The following UVRAG variants were observed in gnomAD, a reference collection of about 807,000 sequenced individuals.
UVRAG encodes UV radiation resistance associated.
A neutral mutation model predicts 78.0 loss-of-function variants in UVRAG; 19 were observed. The ratio of observed to expected loss-of-function variants is 0.24; its 90% CI spans 0.17 to 0.36. UVRAG has a LOEUF of 0.36. Among genes scored for constraint, UVRAG ranks in the 10% least tolerant of loss-of-function variants. UVRAG has a pLI of 1.00. For synonymous variants in UVRAG, 323 were observed against 324.6 expected (o/e 1.00, Z 0.05); for missense variants, 740 against 853.8 (o/e 0.87, Z 1.66).
intron 7 of UVRAG, among the ~76,000 whole-genome samples, chr11:75,965,505 C>T (rs924321930): frequency 2.6e-5 from 4 of 152,084 alleles, no homozygotes; most frequent in Non-Finnish European, 5.9e-5. Flanking sequence ...TTAGTAGAGA[C>T]GGGGGTTCAC....
At chr11:76,089,283 A>G (rs922543020) in intron 13 of UVRAG, among the ~76,000 whole-genome samples, 2 of 152,182 alleles carry the variant, frequency 1.3e-5, no homozygotes, top group Non-Finnish European at 2.9e-5. Flanking sequence ...AAGTTGTTAT[A>G]TGTTGAGTGA....
intron 13 of UVRAG, among the ~76,000 whole-genome samples, chr11:76,088,213 A>G (rs1246731928): frequency 6.6e-6 from 1 of 152,192 alleles, no homozygotes; most frequent in African/African-American, 2.4e-5. Context: ...CAGTAATGAC[A>G]TCAGTGATAC....
At chr11:76,005,752 A>T (rs1949922661) in intron 9 of UVRAG, among the ~76,000 whole-genome samples, 1 of 152,262 alleles carries the variant, frequency 6.6e-6, no homozygotes, top group South Asian at 2.1e-4. Flanking sequence ...AGGTTCCCAT[A>T]ACCCACTCCT....
At chr11:76,025,560 G>C (rs550874225) in intron 12 of UVRAG, among the ~76,000 whole-genome samples, 1 of 152,200 alleles carries the variant, frequency 6.6e-6, no homozygotes, top group South Asian at 2.1e-4. Flanking sequence ...CCATTTTTCT[G>C]TTGTAGAATT....
intron 14 of UVRAG, 113 bp from the exon 15 acceptor site, chr11:76,140,598 T>A: frequency 9.6e-7 from 1 of 1,040,710 alleles, no homozygotes; most frequent in East Asian, 2.5e-5. Flanking sequence ...GATTGATTCT[T>A]ATCTATTTTT....
chr11:76,099,226 G>A (rs1312615806), intron 13 of UVRAG, among the ~76,000 whole-genome samples: 1 of 152,126 alleles, frequency 6.6e-6, no homozygotes, highest in Non-Finnish European at 1.5e-5. Flanking sequence ...TAGCTGCTGG[G>A]CATTTAACAG....
intron 11 of UVRAG, chr11:76,012,827 G>C (rs1335409452): frequency 6.6e-6 from 1 of 151,522 alleles, no homozygotes; most frequent in Non-Finnish European, 1.5e-5. Context: ...GTGTGTGTGT[G>C]TGTGTGTGTG....
intron 1 of UVRAG, among the ~76,000 whole-genome samples, chr11:75,823,962 G>A: frequency 6.6e-6 from 1 of 152,088 alleles, no homozygotes; most frequent in Non-Finnish European, 1.5e-5. Flanking sequence ...TAGATCTAAA[G>A]CTTGATTTTG....
chr11:75,897,983 C>G (rs1337782823), intron 5 of UVRAG, among the ~76,000 whole-genome samples: 2 of 147,592 alleles, frequency 1.4e-5, no homozygotes, highest in East Asian at 4.2e-4. Flanking sequence ...AATTCTCTCT[C>G]TCAGCCTCCC....
chr11:75,824,121 C>T (rs1364526175), intron 1 of UVRAG, among the ~76,000 whole-genome samples: 1 of 152,118 alleles, frequency 6.6e-6, no homozygotes, highest in African/African-American at 2.4e-5. Flanking sequence ...ATGTGCCTCA[C>T]GCAATGCACT....
chr11:75,898,730 C>G (rs1947411933), intron 5 of UVRAG, among the ~76,000 whole-genome samples: 1 of 152,156 alleles, frequency 6.6e-6, no homozygotes, highest in Non-Finnish European at 1.5e-5. Flanking sequence ...TTAGCGACAT[C>G]TCCTTTAACT....
chr11:76,136,205 A>T (rs1490010433), intron 14 of UVRAG, among the ~76,000 whole-genome samples: 1 of 152,208 alleles, frequency 6.6e-6, no homozygotes, highest in African/African-American at 2.4e-5. Flanking sequence ...CCTTATACTA[A>T]AATATGAATG....
intron 2 of UVRAG, among the ~76,000 whole-genome samples, chr11:75,859,759 C>G (rs982700671): frequency 3.3e-5 from 5 of 151,894 alleles, no homozygotes; most frequent in African/African-American, 9.7e-5. Context: ...ATTTTAGATG[C>G]AATAGAATGC....
intron 1 of UVRAG, among the ~76,000 whole-genome samples, chr11:75,818,948 C>T (rs1377921939): frequency 1.3e-5 from 2 of 152,144 alleles, no homozygotes; most frequent in African/African-American, 4.8e-5. Context: ...TGTTTAGCCA[C>T]ATCCCAAGAT....
intron 6 of UVRAG, among the ~76,000 whole-genome samples, chr11:75,936,893 G>A (rs1221568882): frequency 6.6e-6 from 1 of 151,974 alleles, no homozygotes; most frequent in African/African-American, 2.4e-5. Flanking sequence ...TGAGTAGCTG[G>A]GACTACAGGC....
intron 7 of UVRAG, among the ~76,000 whole-genome samples, chr11:75,973,906 T>C (rs1051815946): frequency 1.3e-5 from 2 of 152,252 alleles, no homozygotes; most frequent in African/African-American, 2.4e-5. Context: ...TATGGCTGCA[T>C]AGTATTCCAT....
chr11:76,092,139 C>T (rs905044036), intron 13 of UVRAG, among the ~76,000 whole-genome samples: 4 of 152,124 alleles, frequency 2.6e-5, no homozygotes, highest in Admixed American at 1.3e-4. Flanking sequence ...TTTCCAGCTT[C>T]ATCCATGTCC....
chr11:75,972,105 A>G (rs1306793653), intron 7 of UVRAG, among the ~76,000 whole-genome samples: 1 of 151,064 alleles, frequency 6.6e-6, no homozygotes, highest in African/African-American at 2.4e-5. Flanking sequence ...TTTTTTTATG[A>G]GAGTTCTTTG....
chr11:75,832,686 T>G (rs1010488389), intron 1 of UVRAG, among the ~76,000 whole-genome samples: 9 of 152,144 alleles, frequency 5.9e-5, no homozygotes, highest in African/African-American at 2.2e-4. Context: ...CCAGCCTGTC[T>G]CCCCTCCCTG....
Sources: gnomAD v4.1 joint callset for allele counts (sites outside exome capture counted in the v4.1 genomes callset) on GRCh38, gnomAD v4.1.1 for gene constraint, MANE v1.5 for transcripts, NCBI Gene and HGNC (gene_info 2026-07-23, HGNC 2026-07-21) for gene names.